Variants in HMCN2 observed in about 807,000 individuals in gnomAD.
The protein encoded by HMCN2 is hemicentin-2.
Under a neutral mutation model 377.5 loss-of-function variants are expected in HMCN2, and 325 were observed. That is an observed-to-expected ratio of 0.86 (90% CI 0.79 to 0.94). The LOEUF (loss-of-function observed/expected upper bound fraction) is 0.94. HMCN2 is among the 40% of genes least tolerant of loss of function. HMCN2 has a pLI of 0.00. For synonymous variants in HMCN2, 2,007 were observed against 2,046.8 expected, an observed-to-expected ratio of 0.98 and a Z score of 0.53; for missense variants, 4,543 against 4,725.3, an observed-to-expected ratio of 0.96 and a Z score of 1.13.
rs755062631 is a variant in HMCN2 at position 130,429,680 on chromosome 9, G to T, written c.14321G>T (p.Cys4774Phe). Residue 4774 changes from cysteine to phenylalanine, a missense_variant, in exon 94 of 98, where the codon TGC becomes TTC. Transcript: ENST00000683500. ...CGGATGCAGGGCCCCAGCCTGCCCT[G>T]CCTAGGTACGGGGACACCCACCCTC... The part of the protein sequence containing the change: ...GYRMQGPSLP[C>F]LDVNECLQLP... 4.6e-6 allele frequency: 7 copies of T among 1,516,812 alleles called. No individual in the cohort carries two copies. Among genetic ancestry groups the T allele is most frequent in the Non-Finnish European group, 5.3e-6 (6 of 1,127,188 alleles). The allele number at this position is 1,516,812 out of a possible 1,614,324, so 94.0% of individuals were successfully genotyped here. A position where few individuals can be genotyped will look rare whatever the true frequency, so the allele number is the denominator to read the frequency against.
chr9:130,419,245 C>T (rs1212600236), intron 86 of HMCN2: 5 of 468,958 alleles, frequency 1.1e-5, no homozygotes, highest in Non-Finnish European at 1.8e-5. Context: ...GTTTGCTGCT[C>T]ATCTTGGACA....
rs559545595 is a variant in HMCN2 at position 130,425,074 on chromosome 9, G to A, written c.13585G>A (p.Val4529Met). The change falls in exon 89 of 98, where the codon GTG (valine) becomes ATG (methionine). Residue 4529 changes from valine (V) to methionine (M), a missense_variant. Transcript: ENST00000683500. ...TCCCGATGGCCTCCTGCTCCTCGACGTGGTGGTCAATGGCGTTGTCCCCGA... is the reference window on the plus strand; with the variant it reads ...TCCCGATGGCCTCCTGCTCCTCGACATGGTGGTCAATGGCGTTGTCCCCGA... ...LDPDGLLLLD[V>M]VVNGVVPESL... The A allele has an allele frequency of 1.3e-4, 208 of 1,550,178 alleles. No homozygotes were observed. The African/African-American group carries it at 2.3e-3, about 17-fold the overall frequency.
chr9:130,429,831 C>G, intron 94 of HMCN2, 146 bp downstream of exon 94: 3 of 1,390,922 alleles, frequency 2.2e-6, no homozygotes, highest in Non-Finnish European at 2.8e-6. Context: ...GTCTAAGGCG[C>G]CAGTGCTGTT....
chr9:130,433,439 G>A lies in HMCN2; in HGVS notation c.14986G>A (p.Ala4996Thr). The A allele has an allele frequency of 2.7e-6, 4 of 1,495,542 alleles. No individual in the cohort carries two copies. Among genetic ancestry groups the A allele is most frequent in the Non-Finnish European group, 3.5e-6 (4 of 1,130,720 alleles). The allele number at this position is 1,495,542 out of a possible 1,614,324, so 92.6% of individuals were successfully genotyped here. The change falls in exon 98 of 98, where the codon GCC becomes ACC. Residue 4996 changes from alanine (A) to threonine (T), a missense_variant. Ala to Thr is a moderately conservative substitution (Grantham distance 58). Coordinates refer to ENST00000683500, the MANE Select transcript of HMCN2 (RefSeq NM_001291815.2). ...GCTGCCGCTGCCCCTGGGCGTGCGC[G>A]CCCACCACGACGTGGCCCGCCTCAC... ...RLLPLPLGVR[A>T]HHDVARLTAF...
chr9:130,304,816 GCC>G lies in HMCN2; in HGVS notation c.1634_1635del (p.Pro545LeufsTer24), dbSNP rs782249610. The G allele has an allele frequency of 3.0e-5, 14 of 471,034 alleles. No homozygotes were observed. The highest frequency in any genetic ancestry group is 2.0e-4 in the South Asian group (13 of 64,568). 29.2% of individuals were successfully genotyped at this position (471,034 alleles called of 1,614,324 possible). A position where few individuals can be genotyped will look rare whatever the true frequency, so the allele number is the denominator to read the frequency against. ...AVLSCRVLGE[A>X]PYNLTWVRDW... ...CCTATCCTGCCGGGTCCTAGGCGAG[GCC>G]CCCTACAACCTGACGTGGGTCCGGG... On this transcript the variant is annotated frameshift_variant, in exon 11 of 98. Transcript: ENST00000683500. LOFTEE classifies it high-confidence loss of function. The surrounding 1 kb of genome is among the most constrained non-coding windows in gnomAD (Gnocchi z 4.3).
At chr9:130,384,890 GC>G in intron 59 of HMCN2, 92 bp downstream of exon 59, 1 of 854,630 alleles carries the variant, frequency 1.2e-6, no homozygotes, top group Non-Finnish European at 1.7e-6. Flanking sequence ...ACAGGAGAGG[GC>G]CAGGAGGCAC....
At chr9:130,419,284 G>A in intron 86 of HMCN2, 1 of 408,900 alleles carries the variant, frequency 2.4e-6, no homozygotes, top group Middle Eastern at 4.0e-4. Flanking sequence ...TGCTTAACTG[G>A]CACAAATGCA....
intron 66 of HMCN2, among the ~76,000 whole-genome samples, chr9:130,392,859 G>C (rs12551752): frequency 6.6e-6 from 1 of 151,092 alleles, no homozygotes; most frequent in Non-Finnish European, 1.5e-5. Flanking sequence ...AGCCGGGCCT[G>C]GTGGCGGGCG....
chr9:130,309,107 A>G (rs1837068046), intron 14 of HMCN2, among the ~76,000 whole-genome samples: 1 of 152,272 alleles, frequency 6.6e-6, no homozygotes, highest in South Asian at 2.1e-4. Context: ...ATCTTATGTT[A>G]TGCATATTTA....
chr9:130,356,185 T>G lies in HMCN2; in HGVS notation c.5353T>G (p.Ser1785Ala). Residue 1785 changes from serine (S) to alanine (A), a missense_variant, in exon 34 of 98, where the codon TCA becomes GCA. Coordinates refer to ENST00000683500, the MANE Select transcript of HMCN2 (RefSeq NM_001291815.2). ...LHIDHVELDH[S>A]GLFACQATNE... The stretch of plus-strand genomic sequence containing the variant: ...CATTGACCATGTGGAGCTGGACCAC[T>G]CAGGCCTCTTCGCCTGCCAGGCCAC... The G allele has an allele frequency of 2.3e-6, 3 of 1,303,066 alleles. No individual in the cohort carries two copies. Among genetic ancestry groups the G allele is most frequent in the South Asian group, 1.2e-5 (1 of 80,998 alleles). 80.7% of individuals were successfully genotyped at this position (1,303,066 alleles called of 1,614,324 possible).
chr9:130,395,151 A>G (rs1842545627), intron 70 of HMCN2, 43 bp downstream of exon 70: 1 of 1,264,686 alleles, frequency 7.9e-7, no homozygotes, highest in Non-Finnish European at 1.0e-6. Flanking sequence ...GGGAGGCAGG[A>G]CGGGCTCGCG....
At chr9:130,342,996 C>T (rs1482011958) in intron 25 of HMCN2, among the ~76,000 whole-genome samples, 1 of 152,248 alleles carries the variant, frequency 6.6e-6, no homozygotes, top group Non-Finnish European at 1.5e-5. Flanking sequence ...TTTCTATCTC[C>T]TTTCGAGCAT....
chr9:130,293,004 A>G (rs200486123), intron 4 of HMCN2, among the ~76,000 whole-genome samples: 6 of 146,024 alleles, frequency 4.1e-5, no homozygotes, highest in Non-Finnish European at 9.2e-5. Context: ...CTATCTACCT[A>G]CCTACCTGCC....
chr9:130,295,902 G>T (rs12348163), intron 6 of HMCN2, 130 bp downstream of exon 6: 3 of 379,738 alleles, frequency 7.9e-6, no homozygotes, highest in Non-Finnish European at 1.1e-5. Flanking sequence ...TGATGTGGTC[G>T]TATCAATAGA....
intron 29 of HMCN2, among the ~76,000 whole-genome samples, chr9:130,350,993 C>T (rs1455915416): frequency 6.6e-6 from 1 of 152,160 alleles, no homozygotes; most frequent in East Asian, 1.9e-4. Context: ...GACATTCCAT[C>T]ACCCCAAAAG....
intron 78 of HMCN2, 86 bp from the exon 79 acceptor site, chr9:130,403,108 T>C: frequency 8.4e-7 from 1 of 1,192,166 alleles, no homozygotes; most frequent in Non-Finnish European, 1.1e-6. Context: ...CTTAGAGGCC[T>C]CTCTCTCTGA....
At chr9:130,337,499 C>T (rs1000760296) in intron 22 of HMCN2, among the ~76,000 whole-genome samples, 167 of 152,198 alleles carry the variant, frequency 1.1e-3, no homozygotes, top group Middle Eastern at 3.4e-3. Flanking sequence ...AGGTTCCTGG[C>T]CCTGGGCTGA....
rs1842921506 is a variant in HMCN2 at position 130,402,874 on chromosome 9, G to A, written c.11856G>A (p.Lys3952=). 7.8e-7 allele frequency: 1 copy of A among 1,289,712 alleles called. No homozygotes were observed. Among genetic ancestry groups the A allele is most frequent in the Non-Finnish European group, 1.0e-6 (1 of 988,860 alleles). 79.9% of individuals were successfully genotyped at this position (1,289,712 alleles called of 1,614,324 possible). A position where few individuals can be genotyped will look rare whatever the true frequency, so the allele number is the denominator to read the frequency against. ...SARNSAGVAH[K]HVFLTVQASP... is the part of the protein sequence containing the mutation. ...GCAACTCTGCCGGCGTAGCCCACAA[G>A]CACGTCTTCCTCACTGTGCAAGGTA... The change falls in exon 78 of 98, where the codon AAG becomes AAA. Residue 3952 remains lysine, a synonymous_variant. Transcript: ENST00000683500.
intron 1 of HMCN2, among the ~76,000 whole-genome samples, chr9:130,277,301 C>T (rs1238590051): frequency 6.6e-6 from 1 of 152,230 alleles, no homozygotes; most frequent in Non-Finnish European, 1.5e-5. Context: ...AGCAGGCCTG[C>T]TCGGAGGGAC....
Sources: allele counts gnomAD v4.1 joint callset (sites outside exome capture counted in the v4.1 genomes callset), GRCh38; gene constraint gnomAD v4.1.1; non-coding constraint Gnocchi (gnomAD v3.1); transcripts MANE v1.5; gene names NCBI Gene and HGNC (gene_info 2026-07-23, HGNC 2026-07-21).